Variants in GRAMD1B observed in about 807,000 individuals in gnomAD.
The protein encoded by GRAMD1B is GRAM domain containing 1B.
GRAMD1B carries 37 observed loss-of-function variants against 99.7 expected under a neutral mutation model. The ratio of observed to expected loss-of-function variants is 0.37; its 90% CI spans 0.29 to 0.49. The LOEUF (loss-of-function observed/expected upper bound fraction) is 0.49, where lower values mean the gene tolerates loss of function less well. GRAMD1B is among the 20% of genes least tolerant of loss of function. The probability of loss-of-function intolerance (pLI) is 0.98; values close to 1 mark genes in which losing one functional copy is unlikely to be tolerated. For synonymous variants in GRAMD1B, 427 were observed against 387.6 expected, an observed-to-expected ratio of 1.10 and a Z score of -1.19; for missense variants, 888 against 1,009.2, an observed-to-expected ratio of 0.88 and a Z score of 1.63.
intron 1 of GRAMD1B, among the ~76,000 whole-genome samples, chr11:123,441,912 T>G (rs1014270521): frequency 6.6e-5 from 10 of 152,344 alleles, no homozygotes; most frequent in African/African-American, 2.2e-4. Context: ...CAGATTTTCC[T>G]TTTATTTGAG....
At chr11:123,573,116 G>A (rs1948339253) in intron 2 of GRAMD1B, among the ~76,000 whole-genome samples, 1 of 149,474 alleles carries the variant, frequency 6.7e-6, no homozygotes, top group East Asian at 2.0e-4. Flanking sequence ...AGGGGCGCAG[G>A]TAGGGCCCGA....
intron 2 of GRAMD1B, among the ~76,000 whole-genome samples, chr11:123,532,028 C>T (rs373127624): frequency 6.6e-6 from 1 of 152,164 alleles, no homozygotes; most frequent in African/African-American, 2.4e-5. Context: ...TGAGCCACCA[C>T]GCCCGTCCTG....
At chr11:123,376,542 C>T (rs974474653) in intron 1 of GRAMD1B, among the ~76,000 whole-genome samples, 12 of 152,168 alleles carry the variant, frequency 7.9e-5, no homozygotes, top group African/African-American at 2.9e-4. Flanking sequence ...ACAATCGGAA[C>T]TATCTTAGCA....
intron 1 of GRAMD1B, among the ~76,000 whole-genome samples, chr11:123,413,510 A>AT (rs1400092105): frequency 6.7e-5 from 8 of 119,852 alleles, no homozygotes; most frequent in Non-Finnish European, 1.2e-4. Context: ...CCATTTGCCC[A>AT]TATTTTTTTT....
intron 1 of GRAMD1B, among the ~76,000 whole-genome samples, chr11:123,423,431 A>T (rs1948530099): frequency 6.6e-6 from 1 of 152,164 alleles, no homozygotes. Context: ...CATTAGAAGG[A>T]TGTTTAACAC....
At chr11:123,519,900 C>T (rs1478149512) in intron 2 of GRAMD1B, among the ~76,000 whole-genome samples, 1 of 152,204 alleles carries the variant, frequency 6.6e-6, no homozygotes, top group Non-Finnish European at 1.5e-5. Flanking sequence ...CACTCAGTGG[C>T]GGAAGCCTGA....
intron 1 of GRAMD1B, chr11:123,480,608 G>A: frequency 8.2e-6 from 3 of 366,198 alleles, no homozygotes; most frequent in Non-Finnish European, 1.5e-5. Flanking sequence ...CAGACAGTCT[G>A]CAGGTGTGAT....
chr11:123,611,997 G>A (rs1676610), intron 14 of GRAMD1B, among the ~76,000 whole-genome samples: 5,428 of 152,254 alleles, frequency 0.036, 130 homozygotes, highest in Non-Finnish European at 0.054. Context: ...TGTGACCAGT[G>A]ACTGGGAGCA....
intron 1 of GRAMD1B, among the ~76,000 whole-genome samples, chr11:123,453,965 C>T (rs758363941): frequency 1.8e-4 from 27 of 152,302 alleles, no homozygotes; most frequent in African/African-American, 5.8e-4. Flanking sequence ...TGTAAAATCC[C>T]GTTGATAATG....
At chr11:123,554,813 G>C (rs1026602001) in intron 2 of GRAMD1B, among the ~76,000 whole-genome samples, 8 of 152,134 alleles carry the variant, frequency 5.3e-5, no homozygotes, top group Non-Finnish European at 7.4e-5. Context: ...GTAGGGAGCA[G>C]CTCCTAGGAT....
At chr11:123,604,846 G>T (rs1042465901) in intron 9 of GRAMD1B, among the ~76,000 whole-genome samples, 1 of 152,158 alleles carries the variant, frequency 6.6e-6, no homozygotes, top group African/African-American at 2.4e-5. Context: ...CTTTCTAGGT[G>T]TATAATGCAG....
intron 7 of GRAMD1B, chr11:123,598,801 C>A: frequency 1.9e-6 from 2 of 1,045,626 alleles, no homozygotes; most frequent in South Asian, 2.5e-5. Flanking sequence ...CATTTCTTCT[C>A]AAATTCAGCC....
intron 3 of GRAMD1B, among the ~76,000 whole-genome samples, chr11:123,579,889 G>A (rs1442506545): frequency 6.6e-6 from 1 of 152,206 alleles, no homozygotes; most frequent in East Asian, 1.9e-4. Flanking sequence ...ATAATGAAGG[G>A]ACTGAGAGCT....
At chr11:123,553,416 A>G (rs894920928) in intron 2 of GRAMD1B, among the ~76,000 whole-genome samples, 1 of 152,214 alleles carries the variant, frequency 6.6e-6, no homozygotes, top group South Asian at 2.1e-4. Flanking sequence ...GTCCCAGGGA[A>G]GGCTTTCATA....
intron 2 of GRAMD1B, among the ~76,000 whole-genome samples, chr11:123,524,537 C>T (rs1037186487): frequency 1.3e-5 from 2 of 151,998 alleles, no homozygotes; most frequent in Non-Finnish European, 2.9e-5. Flanking sequence ...GACGAGGTTT[C>T]GCCATGTTGG....
intron 1 of GRAMD1B, among the ~76,000 whole-genome samples, chr11:123,383,722 A>G (rs1946963822): frequency 6.6e-6 from 1 of 151,902 alleles, no homozygotes; most frequent in African/African-American, 2.4e-5. Flanking sequence ...TGATGTTAAC[A>G]AAGAAACCTC....
chr11:123,445,935 A>G (rs1295729506), intron 1 of GRAMD1B, among the ~76,000 whole-genome samples: 1 of 152,120 alleles, frequency 6.6e-6, no homozygotes, highest in Non-Finnish European at 1.5e-5. Flanking sequence ...ACTATTGGGA[A>G]AGTTCTACCT....
chr11:123,553,071 G>C (rs531640575), intron 2 of GRAMD1B, among the ~76,000 whole-genome samples: 1 of 152,262 alleles, frequency 6.6e-6, no homozygotes, highest in East Asian at 1.9e-4. Context: ...TCCTTCAAAA[G>C]CTCTGATACC....
At chr11:123,604,952 T>C (rs1003932774) in intron 9 of GRAMD1B, among the ~76,000 whole-genome samples, 3 of 152,110 alleles carry the variant, frequency 2.0e-5, no homozygotes, top group African/African-American at 7.2e-5. Context: ...GGAAAGGAAA[T>C]GCATGCTCAG....
Sources: allele counts gnomAD v4.1 joint callset (sites outside exome capture counted in the v4.1 genomes callset), GRCh38; gene constraint gnomAD v4.1.1; transcripts MANE v1.5; gene names NCBI Gene and HGNC (gene_info 2026-07-23, HGNC 2026-07-21).